The following PCDH15 variants were observed in gnomAD, a reference collection of about 807,000 sequenced individuals.
PCDH15 encodes the protein protocadherin related 15, also known as protocadherin-15.
PCDH15 carries 129 observed loss-of-function variants against 178.5 expected under a neutral mutation model. The ratio of observed to expected loss-of-function variants is 0.72; its 90% CI spans 0.63 to 0.84. The LOEUF is 0.84. Among genes scored for constraint, PCDH15 ranks in the 40% least tolerant of loss-of-function variants. The pLI is 0.00. For missense variants in PCDH15, 2,230 were observed against 2,099.9 expected, an observed-to-expected ratio of 1.06 and a Z score of -1.21; for synonymous variants, 800 against 732.0, an observed-to-expected ratio of 1.09 and a Z score of -1.50.
intron 3 of PCDH15, among the ~76,000 whole-genome samples, chr10:54,878,083 C>A (rs575514161): frequency 2.0e-5 from 3 of 151,620 alleles, no homozygotes; most frequent in Non-Finnish European, 2.9e-5. Context: ...CTTCCTCAGT[C>A]CCCCTCGTAG....
chr10:53,838,120 T>A (rs936541442), intron 29 of PCDH15, among the ~76,000 whole-genome samples: 1 of 151,598 alleles, frequency 6.6e-6, no homozygotes, highest in Non-Finnish European at 1.5e-5. Context: ...GGACTACAGG[T>A]GCCCGCCACC....
chr10:54,577,794 T>A (rs2090643143), intron 2 of PCDH15, among the ~76,000 whole-genome samples: 1 of 151,846 alleles, frequency 6.6e-6, no homozygotes, highest in Non-Finnish European at 1.5e-5. Flanking sequence ...GAACAGTAGG[T>A]GAAGGAGTTC....
chr10:55,119,998 C>T (rs961488229), intron 2 of PCDH15, among the ~76,000 whole-genome samples: 4 of 151,312 alleles, frequency 2.6e-5, no homozygotes, highest in Middle Eastern at 3.2e-3. Context: ...TTTAATTGCT[C>T]TGACTGTTTT....
intron 2 of PCDH15, among the ~76,000 whole-genome samples, chr10:54,637,007 T>C (rs534891297): frequency 2.0e-5 from 3 of 151,842 alleles, no homozygotes; most frequent in African/African-American, 4.8e-5. Context: ...CCTTTCAAAC[T>C]TTTATGGCAT....
intron 2 of PCDH15, among the ~76,000 whole-genome samples, chr10:55,584,658 C>CAAA (rs59983365): frequency 1.5e-3 from 109 of 72,224 alleles, no homozygotes; most frequent in African/African-American, 4.8e-3. Flanking sequence ...ACTCTGTCTC[C>CAAA]AAAAAAAAAA....
intron 20 of PCDH15, 73 bp from the exon 21 acceptor site, chr10:53,995,838 C>G (rs2091813775): frequency 2.3e-6 from 3 of 1,303,490 alleles, no homozygotes; most frequent in African/African-American, 1.4e-5. Context: ...GATTGACTCC[C>G]AGTCTTCATA....
At chr10:55,311,298 A>C (rs1843580537) in intron 1 of PCDH15, among the ~76,000 whole-genome samples, 1 of 152,196 alleles carries the variant, frequency 6.6e-6, no homozygotes, top group African/African-American at 2.4e-5. Flanking sequence ...AGAGAGTGTC[A>C]GTGAGCTATT....
At chr10:54,090,181 A>T in intron 15 of PCDH15, 118 bp from the exon 16 acceptor site, 1 of 806,614 alleles carries the variant, frequency 1.2e-6, no homozygotes, top group Non-Finnish European at 2.1e-6. Flanking sequence ...GTTAAAGAAT[A>T]AAGATTAAAG....
intron 6 of PCDH15, among the ~76,000 whole-genome samples, chr10:54,338,623 T>C (rs1941646875): frequency 6.6e-6 from 1 of 152,180 alleles, no homozygotes; most frequent in South Asian, 2.1e-4. Context: ...CAGGAGGACT[T>C]GATAAAAGAT....
intron 2 of PCDH15, among the ~76,000 whole-genome samples, chr10:55,021,888 C>G (rs1028192344): frequency 1.3e-5 from 2 of 151,728 alleles, no homozygotes; most frequent in Non-Finnish European, 2.9e-5. Flanking sequence ...TTTAACAACC[C>G]GGAAGAACCT....
At chr10:55,272,716 A>T (rs1842478096) in intron 1 of PCDH15, among the ~76,000 whole-genome samples, 1 of 152,066 alleles carries the variant, frequency 6.6e-6, no homozygotes, top group Admixed American at 6.6e-5. Flanking sequence ...ATAAGAATTC[A>T]GTCTAAGAAT....
At chr10:54,300,457 C>T (rs73243251) in intron 8 of PCDH15, among the ~76,000 whole-genome samples, 3 of 152,154 alleles carry the variant, frequency 2.0e-5, no homozygotes, top group South Asian at 2.1e-4. Flanking sequence ...ACCGAGGATC[C>T]CTGGACTGAC....
chr10:55,170,454 G>C (rs184061268), intron 1 of PCDH15, among the ~76,000 whole-genome samples: 1 of 152,076 alleles, frequency 6.6e-6, no homozygotes, highest in Non-Finnish European at 1.5e-5. Context: ...AGCCTTAAAG[G>C]TGTCTTAAAG....
chr10:55,000,326 G>A (rs912893489), intron 2 of PCDH15, among the ~76,000 whole-genome samples: 28 of 152,108 alleles, frequency 1.8e-4, no homozygotes, highest in African/African-American at 6.8e-4. Context: ...AGAATTCAGC[G>A]ATATTTCTCC....
At chr10:55,485,078 A>G (rs971879756) in intron 2 of PCDH15, among the ~76,000 whole-genome samples, 4 of 151,726 alleles carry the variant, frequency 2.6e-5, no homozygotes, top group Non-Finnish European at 5.9e-5. Flanking sequence ...CAAAGGAAAC[A>G]ATCATCAGAA....
intron 13 of PCDH15, among the ~76,000 whole-genome samples, chr10:54,156,962 G>A (rs989638024): frequency 6.6e-5 from 10 of 152,190 alleles, no homozygotes; most frequent in African/African-American, 2.4e-4. Flanking sequence ...TCACATCCAG[G>A]TCATGCTGAT....
At chr10:54,655,286 GAGAGAGAGAGAGAGAGAC>G (rs1321047632) in intron 2 of PCDH15, among the ~76,000 whole-genome samples, 93 of 127,190 alleles carry the variant, frequency 7.3e-4, no homozygotes, top group Non-Finnish European at 1.0e-3. Context: ...GAGAGAGAGA[GAGAGAGAGAGAGAGAGAC>G]AGAGAGAGAG....
chr10:54,748,204 C>G (rs7920139), intron 1 of PCDH15, among the ~76,000 whole-genome samples: 5,359 of 152,228 alleles, frequency 0.035, 336 homozygotes, highest in African/African-American at 0.12. Context: ...AGAAAATAAA[C>G]TTCATGTTAC....
intron 3 of PCDH15, among the ~76,000 whole-genome samples, chr10:54,877,323 A>G (rs1011599862): frequency 6.6e-6 from 1 of 152,176 alleles, no homozygotes; most frequent in African/African-American, 2.4e-5. Context: ...ATATCTTCAC[A>G]GTATACTTTT....
Sources: gnomAD v4.1 joint callset for allele counts (sites outside exome capture counted in the v4.1 genomes callset) on GRCh38, gnomAD v4.1.1 for gene constraint, MANE v1.5 for transcripts, NCBI Gene and HGNC (gene_info 2026-07-23, HGNC 2026-07-21) for gene names.